The following GTPBP1 variants were observed in gnomAD, a reference collection of about 807,000 sequenced individuals.
The protein encoded by GTPBP1 is GTP-binding protein 1.
GTPBP1 carries 23 observed loss-of-function variants against 62.0 expected under a neutral mutation model. That is an observed-to-expected ratio of 0.37 (90% CI 0.27 to 0.53). The LOEUF (loss-of-function observed/expected upper bound fraction) is 0.53, where lower values mean the gene tolerates loss of function less well. GTPBP1 is among the 20% of genes least tolerant of loss of function. GTPBP1 has a pLI of 0.89. For synonymous variants in GTPBP1, 344 were observed against 364.4 expected, an observed-to-expected ratio of 0.94 and a Z score of 0.64; for missense variants, 640 against 917.3, an observed-to-expected ratio of 0.70 and a Z score of 3.90.
At chr22:38,739,689 G>A, downstream of GTPBP1, 3 of 1,603,652 alleles carry the variant, frequency 1.9e-6, no homozygotes, top group African/African-American at 1.3e-5. The surrounding 1 kb of genome is among the most constrained non-coding windows in gnomAD (Gnocchi z 6.7). Flanking sequence ...AGAGCTGTGG[G>A]TGGGTGTGTG....
downstream of GTPBP1, chr22:38,738,548 C>T: frequency 1.3e-6 from 2 of 1,595,672 alleles, no homozygotes; most frequent in Non-Finnish European, 1.7e-6. The surrounding 1 kb of genome is among the most constrained non-coding windows in gnomAD (Gnocchi z 6.6). Context: ...CAGGATCCCC[C>T]TGCAGCCCCT....
chr22:38,725,296 A>G (rs1363105654), intron 6 of GTPBP1: 1 of 152,424 alleles, frequency 6.6e-6, no homozygotes, highest in African/African-American at 2.4e-5. Context: ...TAGGAGCAAT[A>G]GAGGCCATTT....
chr22:38,728,282 G>A, intron 10 of GTPBP1, 121 bp downstream of exon 10: 1 of 694,690 alleles, frequency 1.4e-6, no homozygotes, highest in Non-Finnish European at 2.5e-6. Context: ...CCACTGAGGT[G>A]TGGCCTCGGT....
At chr22:38,719,515 G>A (rs898837910) in intron 4 of GTPBP1, among the ~76,000 whole-genome samples, 2 of 151,888 alleles carry the variant, frequency 1.3e-5, no homozygotes, top group Admixed American at 6.6e-5. Context: ...ATGTTGCCAA[G>A]GCTGGTCTCA....
intron 11 of GTPBP1, 89 bp downstream of exon 11, chr22:38,729,751 C>T: frequency 9.9e-7 from 1 of 1,013,768 alleles, no homozygotes; most frequent in Non-Finnish European, 1.3e-6. Context: ...AGGCAAGCCT[C>T]AAACCTGGCT....
At chr22:38,736,143 A>G (rs745562110), downstream of GTPBP1, 2 of 949,328 alleles carry the variant, frequency 2.1e-6, no homozygotes, top group Admixed American at 2.0e-5. Flanking sequence ...TTTCATCTGC[A>G]TGGGGCCACA....
intron 1 of GTPBP1, 138 bp from the exon 2 acceptor site, chr22:38,708,707 A>G (rs2092620642): frequency 1.6e-6 from 1 of 618,816 alleles, no homozygotes; most frequent in African/African-American, 1.8e-5. Context: ...CAGAGAGGGC[A>G]TGAAGGGGCT....
chr22:38,739,204 G>T, downstream of GTPBP1: 4 of 1,051,598 alleles, frequency 3.8e-6, 1 homozygote, highest in South Asian at 2.8e-5. This position sits in a 1 kb window ranked among gnomAD's most constrained non-coding sequence, Gnocchi z 6.7. Flanking sequence ...ACTTGCCTTT[G>T]TCATGGGTAC....
rs2092671701 is a variant in GTPBP1, at chr22:38,716,556, C to G, written c.486-96C>G. ...TGAGCCGGAGGGGATCGGGGCAAGC[C>G]TGGACTTGCGGATCCAATTACTGGG... On this transcript the variant is annotated intron_variant, in intron 3 of 11. Coordinates refer to ENST00000216044, the MANE Select transcript of GTPBP1 (RefSeq NM_004286.5). The surrounding 1 kb of genome is among the most constrained non-coding windows in gnomAD (Gnocchi z 5.2). 2.2e-6 allele frequency: 2 copies of G among 906,314 alleles called. No individual in the cohort carries two copies. Among genetic ancestry groups the G allele is most frequent in the African/African-American group, 1.6e-5 (1 of 60,818 alleles). The allele number at this position is 906,314 out of a possible 1,614,324, so 56.1% of individuals were successfully genotyped here.
intron 11 of GTPBP1, 111 bp downstream of exon 11, chr22:38,729,773 TC>T: frequency 1.4e-6 from 1 of 713,374 alleles, no homozygotes; most frequent in Non-Finnish European, 2.1e-6. Flanking sequence ...GAGGGTCTCC[TC>T]CACAGCTCTG....
Position 38,716,514 on chromosome 22 carries a change from G to T in GTPBP1, c.486-138G>T, listed in dbSNP as rs550716330. On this transcript the variant is annotated intron_variant, in intron 3 of 11. Coordinates refer to ENST00000216044, the MANE Select transcript of GTPBP1 (RefSeq NM_004286.5). The surrounding 1 kb of genome is among the most constrained non-coding windows in gnomAD (Gnocchi z 5.2). Reference sequence around the variant, plus strand: ...AGGAACCTTCCCACTGTGCTCCTCCGGCTCAAGGAGGAGCTGTGAGCCGGA... The same window carrying T: ...AGGAACCTTCCCACTGTGCTCCTCCTGCTCAAGGAGGAGCTGTGAGCCGGA... 4.6e-6 allele frequency: 3 copies of T among 655,176 alleles called. No homozygotes were observed. The highest frequency in any genetic ancestry group is 1.8e-5 in the African/African-American group (1 of 54,864). The allele number at this position is 655,176 out of a possible 1,614,324, so 40.6% of individuals were successfully genotyped here. A position where few individuals can be genotyped will look rare whatever the true frequency, so the allele number is the denominator to read the frequency against.
In GTPBP1 at chr22:38,728,074, C is replaced by T; in HGVS notation, c.1629C>T (p.Arg543=). The T allele has an allele frequency of 6.2e-7, 1 of 1,613,110 alleles. No homozygotes were observed. Among genetic ancestry groups the T allele is most frequent in the Non-Finnish European group, 8.5e-7 (1 of 1,179,076 alleles). Residue 543 remains arginine, a synonymous_variant, in exon 10 of 12, where the codon CGC becomes CGT. Coordinates refer to ENST00000216044, the MANE Select transcript of GTPBP1 (RefSeq NM_004286.5). ...RTGDKATVHF[R]FIKTPEYLHI... The stretch of plus-strand genomic sequence containing the variant: ...GGGACAAGGCCACTGTACACTTCCG[C>T]TTCATCAAGACCCCTGAGTACCTGC...
At chr22:38,739,474 C>T (rs2145945965), downstream of GTPBP1, 4 of 1,597,420 alleles carry the variant, frequency 2.5e-6, no homozygotes, top group South Asian at 4.4e-5. This position sits in a 1 kb window ranked among gnomAD's most constrained non-coding sequence, Gnocchi z 6.7. Flanking sequence ...GCAGACGTGT[C>T]CCCCTGTCAC....
Position 38,730,160 on chromosome 22 carries a change from T to C in GTPBP1, c.1918-452T>C, listed in dbSNP as rs1183578025. On this transcript the variant is annotated intron_variant, in intron 11 of 11. Transcript: ENST00000216044. This position sits in a 1 kb window ranked among gnomAD's most constrained non-coding sequence, Gnocchi z 5.6. ...CCTGCCAGCTGTCTCCCACAGGCAC[T>C]CTCTCCTGGCGTGATGAAGGCCTGG... is the stretch of plus-strand genomic sequence containing the variant. Among the ~76,000 whole-genome samples the C allele has an allele frequency of 2.6e-5, 4 of 152,100 alleles. No homozygotes were observed. The East Asian group carries it at 7.7e-4, about 29-fold the overall frequency.
rs144784658 is a variant in GTPBP1, at chr22:38,729,478, A to C, written c.1733A>C (p.Asn578Thr). 1.7e-5 allele frequency: 28 copies of C among 1,606,128 alleles called. No homozygotes were observed. Among genetic ancestry groups the C allele is most frequent in the African/African-American group, 4.0e-5 (3 of 74,220 alleles). ...CTCCCACAGCTCCTCCAGACCACCA[A>C]CAACTCCCCAATGAACTCCAAGCCG... is the stretch of plus-strand genomic sequence containing the variant. The part of the protein sequence containing the change: ...GTITKLLQTT[N>T]NSPMNSKPQQ... The change falls in exon 11 of 12, where the codon AAC (asparagine) becomes ACC (threonine). Residue 578 changes from asparagine (N) to threonine (T), a missense_variant. Physicochemically the swap from Asn to Thr is moderately conservative, Grantham distance 65. Around this residue, in one of 4 missense-constraint regions of GTPBP1, gnomAD observed 220 missense variants for 358.1 expected, o/e 0.61. Transcript: ENST00000216044.
chr22:38,718,431 C>T (rs1232417599), intron 4 of GTPBP1, among the ~76,000 whole-genome samples: 1 of 152,122 alleles, frequency 6.6e-6, no homozygotes, highest in Non-Finnish European at 1.5e-5. Context: ...TGAAATATTT[C>T]ATTATAGTCC....
chr22:38,736,033 G>A, downstream of GTPBP1: 1 of 566,662 alleles, frequency 1.8e-6, no homozygotes, highest in East Asian at 3.3e-5. Flanking sequence ...TCCCAGGATG[G>A]GAAGCAGACG....
At chr22:38,721,186 T>C (rs1392431249) in intron 4 of GTPBP1, among the ~76,000 whole-genome samples, 1 of 152,136 alleles carries the variant, frequency 6.6e-6, no homozygotes, top group African/African-American at 2.4e-5. Flanking sequence ...TTCAAGCGAT[T>C]TTCCTGCCTC....
chr22:38,713,482 C>T lies in GTPBP1; in HGVS notation c.305-2425C>T, dbSNP rs1050149218. Among the ~76,000 whole-genome samples the T allele has an allele frequency of 1.3e-4, 20 of 151,924 alleles. No homozygotes were observed. In the East Asian group the frequency reaches 1.5e-3, roughly 12 times the overall value. On this transcript the variant is annotated intron_variant, in intron 2 of 11. Coordinates refer to ENST00000216044, the MANE Select transcript of GTPBP1 (RefSeq NM_004286.5). ...ACAGCCTGAATCAGGCTGGTGGCTG[C>T]GGATTGGCAAAAAGGGCAGACATCA...
Sources: gnomAD v4.1 joint callset for allele counts (sites outside exome capture counted in the v4.1 genomes callset) on GRCh38, gnomAD v4.1.1 for gene constraint, gnomAD v4.1.1 regional missense constraint, Gnocchi (gnomAD v3.1) non-coding constraint, MANE v1.5 for transcripts, NCBI Gene and HGNC (gene_info 2026-07-23, HGNC 2026-07-21) for gene names.